The following SIAH3 variants were observed in gnomAD, a reference collection of about 807,000 sequenced individuals.
SIAH3 encodes the protein siah E3 ubiquitin protein ligase family member 3.
In SIAH3, 9 loss-of-function variants were observed where a neutral mutation model predicts 12.6. The ratio of observed to expected loss-of-function variants is 0.72; its 90% CI spans 0.43 to 1.25. The LOEUF (loss-of-function observed/expected upper bound fraction) is 1.25. Among genes scored for constraint, SIAH3 ranks in the 50% most tolerant of loss-of-function variants. SIAH3 has a pLI of 0.00. For missense variants in SIAH3, 390 were observed against 365.4 expected (o/e 1.07, Z -0.55); for synonymous variants, 154 against 151.1 (o/e 1.02, Z -0.14).
chr13:45,836,101 A>C (rs1289485581), intron 1 of SIAH3, among the ~76,000 whole-genome samples: 2 of 152,140 alleles, frequency 1.3e-5, no homozygotes, highest in Non-Finnish European at 1.5e-5. Context: ...GAATGCGTAG[A>C]GTGGAGAGTC....
intron 1 of SIAH3, among the ~76,000 whole-genome samples, chr13:45,850,423 A>C (rs1950776168): frequency 6.6e-6 from 1 of 152,054 alleles, no homozygotes; most frequent in South Asian, 2.1e-4. Context: ...ACTGTCAGGC[A>C]CTGTCGCTAC....
At chr13:45,790,235 A>G (rs369957655) in intron 1 of SIAH3, among the ~76,000 whole-genome samples, 11 of 152,206 alleles carry the variant, frequency 7.2e-5, no homozygotes, top group Admixed American at 3.3e-4. Context: ...GTCTTGACCT[A>G]TCTATGCCAT....
chr13:45,835,125 A>G (rs1306123771), intron 1 of SIAH3, among the ~76,000 whole-genome samples: 1 of 152,178 alleles, frequency 6.6e-6, no homozygotes, highest in Admixed American at 6.5e-5. Context: ...CAAACCACAA[A>G]GCTCCCTGAT....
intron 1 of SIAH3, among the ~76,000 whole-genome samples, chr13:45,787,643 A>G (rs977876417): frequency 2.0e-5 from 3 of 152,228 alleles, no homozygotes; most frequent in Non-Finnish European, 4.4e-5. Flanking sequence ...TCAAGAAGTG[A>G]CAAGAAGTTC....
rs554478529 is a variant in SIAH3 at position 45,800,890 on chromosome 13, G to A, written c.136-16833C>T. Among the ~76,000 whole-genome samples, 5 of 152,256 alleles carry A rather than the reference G, an allele frequency of 3.3e-5. No homozygotes were observed. In the South Asian group the frequency reaches 6.2e-4, roughly 19 times the overall value. On this transcript the variant is annotated intron_variant, in intron 1 of 1. Transcript: ENST00000400405. Reference sequence around the variant, plus strand: ...TGAATTGGTAATGAGATAGAACATCGTCTTTGTGGGCGACCTCTCCTGGCG... The same window carrying A: ...TGAATTGGTAATGAGATAGAACATCATCTTTGTGGGCGACCTCTCCTGGCG...
chr13:45,851,219 C>A (rs537022535), intron 1 of SIAH3, among the ~76,000 whole-genome samples: 4 of 152,190 alleles, frequency 2.6e-5, no homozygotes, highest in Non-Finnish European at 5.9e-5. Flanking sequence ...TTCTGCCCCC[C>A]ACGCCACTCT....
intron 1 of SIAH3, among the ~76,000 whole-genome samples, chr13:45,825,124 G>C (rs765079281): frequency 6.6e-6 from 1 of 152,002 alleles, no homozygotes; most frequent in Non-Finnish European, 1.5e-5. Flanking sequence ...TGAAGCTGGG[G>C]GAAATAAATA....
intron 1 of SIAH3, among the ~76,000 whole-genome samples, chr13:45,801,206 A>G (rs889872875): frequency 6.6e-6 from 1 of 152,228 alleles, no homozygotes; most frequent in Non-Finnish European, 1.5e-5. Flanking sequence ...GGAGTGATAC[A>G]GGGTACATTC....
intron 1 of SIAH3, among the ~76,000 whole-genome samples, chr13:45,835,066 T>C (rs1176798322): frequency 6.6e-6 from 1 of 152,132 alleles, no homozygotes; most frequent in African/African-American, 2.4e-5. Context: ...GCCCACAAGA[T>C]AGACTAGAAA....
intron 1 of SIAH3, among the ~76,000 whole-genome samples, chr13:45,788,624 A>G (rs1329010906): frequency 6.6e-6 from 1 of 152,046 alleles, no homozygotes; most frequent in Non-Finnish European, 1.5e-5. Context: ...GATCAGCCAC[A>G]CTCCCATGGT....
chr13:45,808,481 CT>C (rs1490308384), intron 1 of SIAH3, among the ~76,000 whole-genome samples: 1 of 152,148 alleles, frequency 6.6e-6, no homozygotes, highest in East Asian at 1.9e-4. Flanking sequence ...GTGACTTTTT[CT>C]ATGAACTAGA....
chr13:45,786,605 G>T (rs1172693742), intron 1 of SIAH3, among the ~76,000 whole-genome samples: 1 of 152,230 alleles, frequency 6.6e-6, no homozygotes, highest in African/African-American at 2.4e-5. Flanking sequence ...GAGATCAAAT[G>T]AGAGAATGTC....
At chr13:45,785,534 T>C (rs976274095) in intron 1 of SIAH3, among the ~76,000 whole-genome samples, 1 of 152,188 alleles carries the variant, frequency 6.6e-6, no homozygotes, top group Admixed American at 6.5e-5. Flanking sequence ...CACACATACA[T>C]GTACATACAT....
chr13:45,813,265 G>A (rs2137565372), intron 1 of SIAH3, among the ~76,000 whole-genome samples: 1 of 152,360 alleles, frequency 6.6e-6, no homozygotes. Context: ...GCACCAGGCT[G>A]CATTCAGCTC....
intron 1 of SIAH3, among the ~76,000 whole-genome samples, chr13:45,847,197 C>T (rs534129167): frequency 2.6e-5 from 4 of 152,312 alleles, no homozygotes; most frequent in African/African-American, 9.6e-5. Flanking sequence ...AGCTATTAAA[C>T]AGTCTTGTTG....
chr13:45,786,768 T>A (rs907872732), intron 1 of SIAH3, among the ~76,000 whole-genome samples: 4 of 152,118 alleles, frequency 2.6e-5, no homozygotes, highest in Non-Finnish European at 5.9e-5. Context: ...CGAGCAGCAA[T>A]CTGGGCTGAG....
In SIAH3 at chr13:45,825,772, A is replaced by G. The variant is rs1950672249; in HGVS notation, c.135+25723T>C. ...TCAGTGCACACTGGGCCCTCATATC[A>G]TACCTGTTCTGGCTACATCCTCTGT... On this transcript the variant is annotated intron_variant, in intron 1 of 1. Transcript: ENST00000400405. 5.3e-5 allele frequency among the ~76,000 whole-genome samples: 8 copies of G among 152,210 alleles called. No individual in the cohort carries two copies. The South Asian group carries it at 1.7e-3, about 32-fold the overall frequency.
intron 1 of SIAH3, among the ~76,000 whole-genome samples, chr13:45,844,078 G>A (rs917105803): frequency 6.6e-6 from 1 of 152,194 alleles, no homozygotes; most frequent in Non-Finnish European, 1.5e-5. Context: ...TATCATGTTA[G>A]GCAGAACTAT....
intron 1 of SIAH3, among the ~76,000 whole-genome samples, chr13:45,789,362 A>G (rs1367493896): frequency 3.4e-3 from 16 of 4,726 alleles, no homozygotes; most frequent in South Asian, 0.011. Context: ...TCTATCATCT[A>G]TCTATCTATC....
Sources: gnomAD v4.1 joint callset for allele counts (sites outside exome capture counted in the v4.1 genomes callset) on GRCh38, gnomAD v4.1.1 for gene constraint, MANE v1.5 for transcripts, NCBI Gene and HGNC (gene_info 2026-07-23, HGNC 2026-07-21) for gene names.